ADRA1A: variants seen among roughly 807,000 people sequenced by gnomAD.
ADRA1A encodes the protein alpha-1A adrenergic receptor.
ADRA1A carries 31 observed loss-of-function variants against 29.6 expected under a neutral mutation model. That is an observed-to-expected ratio of 1.05 (90% CI 0.79 to 1.41). ADRA1A has a LOEUF of 1.41. Ranked by LOEUF, ADRA1A falls within the 40% of genes most tolerant of loss-of-function variation. ADRA1A has a pLI of 0.00. For missense variants in ADRA1A, 619 were observed against 601.1 expected, an observed-to-expected ratio of 1.03 and a Z score of -0.31; for synonymous variants, 311 against 254.3, an observed-to-expected ratio of 1.22 and a Z score of -2.12.
Position 26,770,543 on chromosome 8 carries a change from G to C in ADRA1A, c.1007C>G (p.Ala336Gly), listed in dbSNP as rs147084464. 6.8e-6 allele frequency: 11 copies of C among 1,614,156 alleles called. No homozygotes were observed. The East Asian group carries it at 2.0e-4, about 29-fold the overall frequency. Reference protein sequence around the residue: ...YPCSSQEFKKAFQNVLRIQCL... With the variant: ...YPCSSQEFKKGFQNVLRIQCL... ...CTGGATTCTCAAGACATTCTGAAAG[G>C]CCTTTTTGAACTCTTGGCTGGAGCA... The change falls in exon 3 of 3, where the codon GCC (alanine) becomes GGC (glycine). Residue 336 changes from alanine (A) to glycine (G), a missense_variant. Physicochemically the swap from Ala to Gly is moderately conservative, Grantham distance 60. Transcript: ENST00000380573.
At chr8:26,812,717 T>G (rs1349330670) in intron 2 of ADRA1A, among the ~76,000 whole-genome samples, 1 of 151,744 alleles carries the variant, frequency 6.6e-6, no homozygotes, top group African/African-American at 2.4e-5. Flanking sequence ...CAGGCTGGAG[T>G]GCAGTGGCGC....
chr8:26,836,026 A>G, intron 2 of ADRA1A: 1 of 164,678 alleles, frequency 6.1e-6, no homozygotes, highest in Non-Finnish European at 1.4e-5. Flanking sequence ...GTCATCCTAG[A>G]CTGAAACCCA....
At chr8:26,778,000 C>G (rs1057325472) in intron 2 of ADRA1A, among the ~76,000 whole-genome samples, 2 of 152,246 alleles carry the variant, frequency 1.3e-5, no homozygotes, top group Non-Finnish European at 2.9e-5. Context: ...ATCCCTCAAA[C>G]TTCTGCAAGT....
chr8:26,761,832 G>C (rs1352711167), downstream of ADRA1A, among the ~76,000 whole-genome samples: 2 of 152,312 alleles, frequency 1.3e-5, no homozygotes, highest in East Asian at 3.9e-4. Context: ...ACAAGAATAT[G>C]ATAAGTTGGC....
chr8:26,829,307 T>A, intron 2 of ADRA1A, among the ~76,000 whole-genome samples: 1 of 152,156 alleles, frequency 6.6e-6, no homozygotes, highest in East Asian at 1.9e-4. Flanking sequence ...AAGTGGCTAC[T>A]GGTGGCGTGT....
At chr8:26,818,437 A>T (rs1414356870) in intron 2 of ADRA1A, among the ~76,000 whole-genome samples, 4 of 152,198 alleles carry the variant, frequency 2.6e-5, no homozygotes, top group Non-Finnish European at 4.4e-5. Flanking sequence ...AATCATTTTT[A>T]AAAAACTGCA....
At position 26,769,070 on chromosome 8, in the gene ADRA1A, T is replaced by C. The variant is rs1805949567; in HGVS notation, c.*1079A>G. ...TAATGTACTTGGATCATAAGGCTCATTCCAACATGCCACAGGTGAAGCTCA... is the reference window on the plus strand; with the variant it reads ...TAATGTACTTGGATCATAAGGCTCACTCCAACATGCCACAGGTGAAGCTCA... On this transcript the variant is annotated 3_prime_UTR_variant, in exon 3 of 3. Coordinates refer to ENST00000380573, the MANE Select transcript of ADRA1A (RefSeq NM_000680.4). The C allele has an allele frequency of 2.0e-6, 2 of 985,430 alleles. No individual in the cohort carries two copies. The highest frequency in any genetic ancestry group is 2.4e-6 in the Non-Finnish European group (2 of 829,906). 61.0% of individuals were successfully genotyped at this position (985,430 alleles called of 1,614,324 possible).
rs137939451 is a variant in ADRA1A, at chr8:26,770,253, A to G, written c.1297T>C (p.Cys433Arg). Residue 433 changes from cysteine (C) to arginine (R), a missense_variant, in exon 3 of 3, where the codon TGC becomes CGC. Cys to Arg is a radical substitution (Grantham distance 180). Coordinates refer to ENST00000380573, the MANE Select transcript of ADRA1A (RefSeq NM_000680.4). ...RVRSKSFLQVCCCVGPSTPSL... is the reference protein window; with the variant it reads ...RVRSKSFLQVRCCVGPSTPSL... ...GGGGTTGAGGGCCCTACACAGCAGCAGACCTGCAAAAAGCTTTTACTTCTC... is the reference window on the plus strand; with the variant it reads ...GGGGTTGAGGGCCCTACACAGCAGCGGACCTGCAAAAAGCTTTTACTTCTC... The G allele has an allele frequency of 1.1e-5, 18 of 1,613,996 alleles. No homozygotes were observed. The Admixed American group carries it at 2.2e-4, about 19-fold the overall frequency.
chr8:26,764,879 T>C (rs566846966), downstream of ADRA1A, among the ~76,000 whole-genome samples: 282 of 152,350 alleles, frequency 1.9e-3, no homozygotes, highest in African/African-American at 6.4e-3. Context: ...ACATTTGCTC[T>C]TAGATTTTCT....
rs1203786793 is a variant in ADRA1A at position 26,806,275 on chromosome 8, CA to C, written c.884-35610del. On this transcript the variant is annotated intron_variant, in intron 2 of 2. Coordinates refer to ENST00000380573, the MANE Select transcript of ADRA1A (RefSeq NM_000680.4). This position sits in a 1 kb window ranked among gnomAD's most constrained non-coding sequence, Gnocchi z 4.6. ...CCTTCAGACAAGGTGGAACTGGCCC[CA>C]GAAGCTGGGTGTTTACACCAAAGAT... is the stretch of plus-strand genomic sequence containing the variant. Among the ~76,000 whole-genome samples the C allele has an allele frequency of 6.6e-6, 1 of 151,996 alleles. No homozygotes were observed. Among genetic ancestry groups the C allele is most frequent in the Non-Finnish European group, 1.5e-5 (1 of 68,022 alleles).
At chr8:26,829,773 T>C (rs1198499690) in intron 2 of ADRA1A, among the ~76,000 whole-genome samples, 1 of 151,796 alleles carries the variant, frequency 6.6e-6, no homozygotes, top group African/African-American at 2.4e-5. Flanking sequence ...CAGTAGAAAA[T>C]TGAAACCTGG....
rs1439281357 is a variant in ADRA1A at position 26,786,777 on chromosome 8, A to T, written c.884-16111T>A. Among the ~76,000 whole-genome samples the T allele has an allele frequency of 2.6e-5, 4 of 151,902 alleles. No homozygotes were observed. The East Asian group carries it at 7.7e-4, about 29-fold the overall frequency. The stretch of plus-strand genomic sequence containing the variant: ...GGGGTCTCTCATTAAATGTTATCAA[A>T]GCATCCTAAACTTTTTCTTCATAGC... On this transcript the variant is annotated intron_variant, in intron 2 of 2. Transcript: ENST00000380573.
At chr8:26,788,661 A>G (rs567750329) in intron 2 of ADRA1A, among the ~76,000 whole-genome samples, 1 of 152,180 alleles carries the variant, frequency 6.6e-6, no homozygotes, top group Non-Finnish European at 1.5e-5. Context: ...CATTTTACAA[A>G]TGAGGAAAAT....
At chr8:26,818,548 T>C (rs1474686003) in intron 2 of ADRA1A, among the ~76,000 whole-genome samples, 2 of 152,052 alleles carry the variant, frequency 1.3e-5, no homozygotes, top group Non-Finnish European at 2.9e-5. Context: ...CAAAGTATAA[T>C]ACATAGGAAA....
chr8:26,818,168 G>T (rs1028054468), intron 2 of ADRA1A, among the ~76,000 whole-genome samples: 1 of 152,158 alleles, frequency 6.6e-6, no homozygotes. Context: ...CAAGGATGGG[G>T]GTGGACAGAC....
chr8:26,846,413 C>A lies in ADRA1A; in HGVS notation c.883+17674G>T, dbSNP rs553813699. Among the ~76,000 whole-genome samples, 13 of 152,236 alleles carry A rather than the reference C, an allele frequency of 8.5e-5. No homozygotes were observed. The South Asian group carries it at 2.7e-3, about 32-fold the overall frequency. On this transcript the variant is annotated intron_variant, in intron 2 of 2. Coordinates refer to ENST00000380573, the MANE Select transcript of ADRA1A (RefSeq NM_000680.4). Reference sequence around the variant, plus strand: ...TGTGGTTGTGGAACATTCGGCAGCACCCCTGGTCTAACCCACACAATGCCA... The same window carrying A: ...TGTGGTTGTGGAACATTCGGCAGCAACCCTGGTCTAACCCACACAATGCCA...
chr8:26,828,039 A>G (rs538225362), intron 2 of ADRA1A, among the ~76,000 whole-genome samples: 168 of 152,148 alleles, frequency 1.1e-3, no homozygotes, highest in Middle Eastern at 3.4e-3. Context: ...GACCACAGGC[A>G]TGTGCCACCA....
chr8:26,751,135 T>G (rs1372372881), intron 2 of ADRA1A, among the ~76,000 whole-genome samples: 1 of 152,076 alleles, frequency 6.6e-6, no homozygotes, highest in Non-Finnish European at 1.5e-5. Context: ...GTACAGTTTC[T>G]GCAAATGAGG....
chr8:26,867,151 A>T lies in ADRA1A; in HGVS notation c.-902T>A. On this transcript the variant is annotated 5_prime_UTR_variant, in exon 1 of 3. Coordinates refer to ENST00000380573, the MANE Select transcript of ADRA1A (RefSeq NM_000680.4). ...GTCACTTTACCTGCATTTTTTAAAA[A>T]GAGTCAAAATAAGAAAAGAAAAAAA... The T allele has an allele frequency of 1.0e-6, 1 of 985,432 alleles. No individual in the cohort carries two copies. Among genetic ancestry groups the T allele is most frequent in the Non-Finnish European group, 1.2e-6 (1 of 829,938 alleles). 61.0% of individuals were successfully genotyped at this position (985,432 alleles called of 1,614,324 possible). A position where few individuals can be genotyped will look rare whatever the true frequency, so the allele number is the denominator to read the frequency against.
Sources: gnomAD v4.1 joint callset for allele counts (sites outside exome capture counted in the v4.1 genomes callset) on GRCh38, gnomAD v4.1.1 for gene constraint, Gnocchi (gnomAD v3.1) non-coding constraint, MANE v1.5 for transcripts, NCBI Gene and HGNC (gene_info 2026-07-23, HGNC 2026-07-21) for gene names.